CCDC61: variants seen among roughly 807,000 people sequenced by gnomAD.
CCDC61 encodes centrosomal protein CCDC61.
A neutral mutation model predicts 63.0 loss-of-function variants in CCDC61; 55 were observed. That is an observed-to-expected ratio of 0.87 (90% CI 0.70 to 1.09). The LOEUF is 1.09. Among genes scored for constraint, CCDC61 ranks in the 50% least tolerant of loss-of-function variants. CCDC61 has a pLI of 0.00. For synonymous variants in CCDC61, 270 were observed against 317.0 expected, an observed-to-expected ratio of 0.85 and a Z score of 1.58; for missense variants, 651 against 731.4, an observed-to-expected ratio of 0.89 and a Z score of 1.27.
intron 1 of CCDC61, among the ~76,000 whole-genome samples, chr19:46,000,564 A>T (rs1968571660): frequency 6.6e-6 from 1 of 151,318 alleles, no homozygotes; most frequent in African/African-American, 2.4e-5. Flanking sequence ...TGCAGAGAGG[A>T]GGGGAAGGGG....
chr19:46,015,998 C>A lies in CCDC61; in HGVS notation c.846-56C>A. On this transcript the variant is annotated intron_variant, in intron 7 of 13. Transcript: ENST00000595358. The surrounding 1 kb of genome is among the most constrained non-coding windows in gnomAD (Gnocchi z 5.3). ...AGAAGGTGCGGTCGGGGAGGAGTCT[C>A]GCGATTGAGTTTGTCGGGGCGGGCG... 1 of 1,227,722 alleles carries A rather than the reference C, an allele frequency of 8.1e-7. No homozygotes were observed. Among genetic ancestry groups the A allele is most frequent in the Non-Finnish European group, 1.0e-6 (1 of 985,504 alleles). The allele number at this position is 1,227,722 out of a possible 1,614,324, so 76.1% of individuals were successfully genotyped here. A position where few individuals can be genotyped will look rare whatever the true frequency, so the allele number is the denominator to read the frequency against.
intron 5 of CCDC61, 25 bp downstream of exon 5, chr19:46,008,326 T>TGGGGGGG: frequency 2.2e-6 from 1 of 460,806 alleles, no homozygotes; most frequent in Non-Finnish European, 4.1e-6. Context: ...GGTGGGCAGC[T>TGGGGGGG]GGGGCGGGTG....
At chr19:45,996,160 C>T (rs533337396) in intron 1 of CCDC61, 1 of 153,182 alleles carries the variant, frequency 6.5e-6, no homozygotes, top group South Asian at 2.0e-4. Context: ...GCTTCATCAT[C>T]AGTAGAATGA....
Position 46,018,522 on chromosome 19 carries a change from G to GCA in CCDC61, c.*135_*136insCA. On this transcript the variant is annotated 3_prime_UTR_variant, in exon 14 of 14. Transcript: ENST00000595358. This position sits in a 1 kb window ranked among gnomAD's most constrained non-coding sequence, Gnocchi z 4.2. ...CCCTCCTGCTGCCCCTGGGGTCTCA[G>GCA]GTGTGTGAGGCCCTGACCCTGCCCT... The GCA allele has an allele frequency of 1.5e-6, 1 of 655,042 alleles. No homozygotes were observed. Among genetic ancestry groups the GCA allele is most frequent in the Non-Finnish European group, 2.7e-6 (1 of 372,138 alleles). 40.6% of individuals were successfully genotyped at this position (655,042 alleles called of 1,614,324 possible).
Position 46,017,069 on chromosome 19 carries a change from G to A in CCDC61, c.1310G>A (p.Gly437Glu). The change falls in exon 11 of 14, where the codon GGG (glycine) becomes GAG (glutamate). Residue 437 changes from glycine to glutamate, a missense_variant and splice_region_variant. Coordinates refer to ENST00000595358, the MANE Select transcript of CCDC61 (RefSeq NM_001267723.2). ...GATTTCTCTGAGTCGCTCTCCAGAG[G>A]GTAAAACTTGAACTTGGGAAAAGGA... The part of the protein sequence containing the change: ...LEDFSESLSR[G>E]GHRRRGKPPS... The A allele has an allele frequency of 6.2e-7, 1 of 1,611,664 alleles. No individual in the cohort carries two copies. Among genetic ancestry groups the A allele is most frequent in the Non-Finnish European group, 8.5e-7 (1 of 1,178,894 alleles).
intron 5 of CCDC61, 108 bp downstream of exon 5, chr19:46,008,409 C>A: frequency 3.1e-6 from 3 of 953,660 alleles, no homozygotes; most frequent in Non-Finnish European, 4.6e-6. Context: ...TCGCCCACCA[C>A]GTATTCTTTT....
At chr19:46,002,631 G>C (rs1240694152) in intron 1 of CCDC61, among the ~76,000 whole-genome samples, 1 of 151,680 alleles carries the variant, frequency 6.6e-6, no homozygotes, top group Non-Finnish European at 1.5e-5. Context: ...TGCCCAGGCT[G>C]GTCTTGAACT....
At chr19:46,005,058 T>C (rs534334200) in intron 3 of CCDC61, among the ~76,000 whole-genome samples, 10 of 152,004 alleles carry the variant, frequency 6.6e-5, no homozygotes, top group Non-Finnish European at 1.3e-4. Context: ...TAGCCCAGGC[T>C]GGAGTGCAGT....
intron 3 of CCDC61, 122 bp downstream of exon 3, chr19:46,003,623 C>T (rs941993064): frequency 1.5e-5 from 9 of 587,752 alleles, no homozygotes; most frequent in South Asian, 2.8e-5. Flanking sequence ...GGGAAGAGGG[C>T]GATCATTTTC....
At chr19:46,002,637 G>C (rs1273099055) in intron 1 of CCDC61, among the ~76,000 whole-genome samples, 1 of 151,630 alleles carries the variant, frequency 6.6e-6, no homozygotes, top group Non-Finnish European at 1.5e-5. Context: ...GGCTGGTCTT[G>C]AACTCTTGAG....
chr19:45,998,164 G>A (rs1968527609), intron 1 of CCDC61, among the ~76,000 whole-genome samples: 1 of 152,206 alleles, frequency 6.6e-6, no homozygotes, highest in Admixed American at 6.5e-5. Flanking sequence ...TATGGGGCAG[G>A]GTTGCTGAAC....
intron 5 of CCDC61, among the ~76,000 whole-genome samples, chr19:46,009,847 T>C (rs1216139763): frequency 3.0e-5 from 4 of 135,210 alleles, no homozygotes; most frequent in Non-Finnish European, 6.5e-5. Flanking sequence ...TGCGCGCGCG[T>C]TTGCTCTGTC....
In CCDC61 at chr19:46,004,908, A is replaced by AGCTCACTGCAACCTCCGCGTCTCG. The variant is rs546451761; in HGVS notation, c.231+1409_231+1432dup. On this transcript the variant is annotated intron_variant, in intron 3 of 13. Coordinates refer to ENST00000595358, the MANE Select transcript of CCDC61 (RefSeq NM_001267723.2). ...TGCCCAGGCTTAGTGGCACAGTCTC[A>AGCTCACTGCAACCTCCGCGTCTCG]GCTCACTGCAACCTCCGCGTCTCGG... Among the ~76,000 whole-genome samples the AGCTCACTGCAACCTCCGCGTCTCG allele has an allele frequency of 1.4e-4, 19 of 135,108 alleles. No homozygotes were observed. In the South Asian group the frequency reaches 4.4e-3, roughly 31 times the overall value. The allele number at this position is 135,108 out of a possible 152,430, so 88.6% of individuals were successfully genotyped here. A position where few individuals can be genotyped will look rare whatever the true frequency, so the allele number is the denominator to read the frequency against.
At chr19:46,014,960 A>G in intron 5 of CCDC61, 89 bp from the exon 6 acceptor site, 1 of 1,137,050 alleles carries the variant, frequency 8.8e-7, no homozygotes, top group Non-Finnish European at 1.2e-6. Flanking sequence ...CCTTCCGGGG[A>G]GGTGAAATGA....
intron 1 of CCDC61, chr19:46,000,000 T>A (rs1968560847): frequency 1.0e-6 from 1 of 984,276 alleles, no homozygotes; most frequent in African/African-American, 1.8e-5. Flanking sequence ...AGGACTGGAA[T>A]GAAATCAGCC....
Position 46,016,865 on chromosome 19 carries a change from TAGGCGGGAC to T in CCDC61, c.1231+33_1231+41del. The T allele has an allele frequency of 7.8e-7, 1 of 1,282,378 alleles. No individual in the cohort carries two copies. Among genetic ancestry groups the T allele is most frequent in the Non-Finnish European group, 1.0e-6 (1 of 992,972 alleles). The allele number at this position is 1,282,378 out of a possible 1,614,324, so 79.4% of individuals were successfully genotyped here. ...GGCCTGGAGCTGGGGGCTGCCGGGCTAGGCGGGACTGGGCGGGGCTGGGCGGGCTGGGAG... is the reference window on the plus strand; with the variant it reads ...GGCCTGGAGCTGGGGGCTGCCGGGCTTGGGCGGGGCTGGGCGGGCTGGGAG... On this transcript the variant is annotated intron_variant, in intron 10 of 13. Coordinates refer to ENST00000595358, the MANE Select transcript of CCDC61 (RefSeq NM_001267723.2). The surrounding 1 kb of genome is among the most constrained non-coding windows in gnomAD (Gnocchi z 7.2).
At chr19:46,003,531 G>A (rs1968634608) in intron 3 of CCDC61, 30 bp downstream of exon 3, 1 of 1,193,396 alleles carries the variant, frequency 8.4e-7, no homozygotes, top group Non-Finnish European at 1.2e-6. Flanking sequence ...GTTGGGGTGG[G>A]AGGGGGGTTC....
rs1228633723 is a variant in CCDC61 at position 46,015,281 on chromosome 19, C to T, written c.762+22C>T. 4 of 1,538,152 alleles carry T rather than the reference C, an allele frequency of 2.6e-6. No individual in the cohort carries two copies. In the South Asian group the frequency reaches 3.6e-5, roughly 14 times the overall value. On this transcript the variant is annotated intron_variant, in intron 6 of 13. Transcript: ENST00000595358. The surrounding 1 kb of genome is among the most constrained non-coding windows in gnomAD (Gnocchi z 5.3). ...GGAGGTGAGCAGCGGGGGCCCGGGGCGGCCAGCGAGGCGCGGACCTCGGCC... is the reference window on the plus strand; with the variant it reads ...GGAGGTGAGCAGCGGGGGCCCGGGGTGGCCAGCGAGGCGCGGACCTCGGCC...
rs868733241 is a variant in CCDC61, at chr19:46,017,393, C to T, written c.1368+89C>T. 48 of 1,256,076 alleles carry T rather than the reference C, an allele frequency of 3.8e-5. No individual in the cohort carries two copies. In the Middle Eastern group the frequency reaches 2.7e-3, roughly 70 times the overall value. The allele number at this position is 1,256,076 out of a possible 1,614,324, so 77.8% of individuals were successfully genotyped here. On this transcript the variant is annotated intron_variant, in intron 12 of 13. Coordinates refer to ENST00000595358, the MANE Select transcript of CCDC61 (RefSeq NM_001267723.2). The stretch of plus-strand genomic sequence containing the variant: ...CTGGGGATCAGGTGCAGAGGCGACT[C>T]TGAATGCCTTTGGCAATAGGGCTTT...
Sources: allele counts gnomAD v4.1 joint callset (sites outside exome capture counted in the v4.1 genomes callset), GRCh38; gene constraint gnomAD v4.1.1; non-coding constraint Gnocchi (gnomAD v3.1); transcripts MANE v1.5; gene names NCBI Gene and HGNC (gene_info 2026-07-23, HGNC 2026-07-21).